Variants in ARL5C observed in about 807,000 individuals in gnomAD.
ARL5C encodes the protein putative ADP-ribosylation factor-like protein 5C.
A neutral mutation model predicts 20.8 loss-of-function variants in ARL5C; 21 were observed. The observed-to-expected ratio is 1.01, with a 90% CI of 0.72 to 1.46. The LOEUF (loss-of-function observed/expected upper bound fraction) is 1.46. Among genes scored for constraint, ARL5C ranks in the 40% most tolerant of loss-of-function variants. The pLI is 0.00. For synonymous variants in ARL5C, 71 were observed against 81.6 expected (o/e 0.87, Z 0.70); for missense variants, 199 against 225.1 (o/e 0.88, Z 0.74).
chr17:39,162,432 C>A (rs371858890), intron 3 of ARL5C, among the ~76,000 whole-genome samples: 20 of 152,230 alleles, frequency 1.3e-4, no homozygotes, highest in African/African-American at 4.3e-4. Flanking sequence ...TCCCGAGTAG[C>A]TGGGATTACA....
In ARL5C at chr17:39,165,107, C is replaced by T. The variant is rs1597669717; in HGVS notation, c.79G>A (p.Glu27Lys). Residue 27 changes from glutamate to lysine, a missense_variant, in exon 2 of 6, where the codon GAA becomes AAA. Physicochemically the swap from Glu to Lys is moderately conservative, Grantham distance 56 (BLOSUM62 1). Coordinates refer to ENST00000269586, the MANE Select transcript of ARL5C (RefSeq NM_001143968.1). ...HTVIIVGLDN[E>K]GKTTILYRFL... is the part of the protein sequence containing the mutation. ...CGGTAGAGAATGGTGGTCTTTCCTTCATTGTCCAGTCCCACGATGATGACC... is the reference window on the plus strand; with the variant it reads ...CGGTAGAGAATGGTGGTCTTTCCTTTATTGTCCAGTCCCACGATGATGACC... 2.6e-6 allele frequency: 4 copies of T among 1,551,728 alleles called. No individual in the cohort carries two copies. The East Asian group carries it at 9.8e-5, about 38-fold the overall frequency.
chr17:39,161,715 T>C (rs554162790), intron 3 of ARL5C, among the ~76,000 whole-genome samples: 26 of 152,202 alleles, frequency 1.7e-4, no homozygotes, highest in Non-Finnish European at 2.8e-4. Flanking sequence ...GGTTTCGCCA[T>C]GTTGGCCAGG....
At chr17:39,156,863 CAA>C (rs1567779338), downstream of ARL5C, 1 of 1,551,366 alleles carries the variant, frequency 6.4e-7, no homozygotes, top group Non-Finnish European at 8.7e-7. Flanking sequence ...TGCAAAACCC[CAA>C]AGTTTCTGGT....
In ARL5C at chr17:39,163,345, C is replaced by CCTTTCTTTCTTTCTTTCTTTTTCTTT. The variant is rs2045444127; in HGVS notation, c.108-488_108-487insAAAGAAAAAGAAAGAAAGAAAGAAAG. The stretch of plus-strand genomic sequence containing the variant: ...GTCTGGGCAGGGGTCCAGGCTTTTG[C>CCTTTCTTTCTTTCTTTCTTTTTCTTT]CTTTCTTTCTTTCTTTCTTTCTTTC... On this transcript the variant is annotated intron_variant, in intron 2 of 5. Coordinates refer to ENST00000269586, the MANE Select transcript of ARL5C (RefSeq NM_001143968.1). 3.7e-5 allele frequency among the ~76,000 whole-genome samples: 5 copies of CCTTTCTTTCTTTCTTTCTTTTTCTTT among 136,740 alleles called. No individual in the cohort carries two copies. In the East Asian group the frequency reaches 7.0e-4, roughly 19 times the overall value. The allele number at this position is 136,740 out of a possible 152,430, so 89.7% of individuals were successfully genotyped here.
intron 5 of ARL5C, among the ~76,000 whole-genome samples, chr17:39,158,129 G>C (rs143052705): frequency 2.1e-5 from 2 of 94,556 alleles, no homozygotes; most frequent in Non-Finnish European, 4.3e-5. Context: ...GGGAGGGAGG[G>C]AGGAAGGAAG....
intron 3 of ARL5C, among the ~76,000 whole-genome samples, chr17:39,162,369 C>T (rs192401462): frequency 6.6e-5 from 10 of 152,178 alleles, no homozygotes; most frequent in South Asian, 2.1e-4. Context: ...GGCGTGATCT[C>T]GGCTCACTGC....
chr17:39,163,534 A>G (rs543088424), intron 2 of ARL5C, among the ~76,000 whole-genome samples: 4 of 151,812 alleles, frequency 2.6e-5, no homozygotes, highest in Non-Finnish European at 5.9e-5. Context: ...CTGGGATTAC[A>G]GGAGCACACC....
chr17:39,157,815 C>A (rs2045413060), intron 5 of ARL5C, among the ~76,000 whole-genome samples: 2 of 149,316 alleles, frequency 1.3e-5, no homozygotes, highest in Non-Finnish European at 3.0e-5. Context: ...AAAAAGTGGC[C>A]GGGCACAGTG....
chr17:39,162,622 G>C, intron 3 of ARL5C, 89 bp downstream of exon 3: 1 of 1,440,608 alleles, frequency 6.9e-7, no homozygotes, highest in Non-Finnish European at 9.3e-7. Context: ...TATTTCACAA[G>C]TTGGGGAACC....
At chr17:39,163,345 C>CCTTTCTTTCTTTCTTTCTTTCTTTCTTT (rs57401429) in intron 2 of ARL5C, among the ~76,000 whole-genome samples, 1,369 of 136,852 alleles carry the variant, frequency 0.01, 32 homozygotes, top group East Asian at 0.018. Flanking sequence ...CAGGCTTTTG[C>CCTTTCTTTCTTTCTTTCTTTCTTTCTTT]CTTTCTTTCT....
chr17:39,162,265 CACA>C (rs996985417), intron 3 of ARL5C, among the ~76,000 whole-genome samples: 6 of 152,124 alleles, frequency 3.9e-5, no homozygotes, highest in Admixed American at 3.9e-4. Context: ...ATTTAATTTT[CACA>C]ACAACTTAGG....
chr17:39,163,345 C>CCTTTCTTTCTTTCTTTCTTT (rs57401429), intron 2 of ARL5C, among the ~76,000 whole-genome samples: 9,770 of 136,744 alleles, frequency 0.071, 513 homozygotes, highest in Middle Eastern at 0.094. Context: ...CAGGCTTTTG[C>CCTTTCTTTCTTTCTTTCTTT]CTTTCTTTCT....
intron 3 of ARL5C, among the ~76,000 whole-genome samples, chr17:39,162,265 C>T (rs937456238): frequency 2.6e-5 from 4 of 152,124 alleles, no homozygotes; most frequent in Non-Finnish European, 5.9e-5. Flanking sequence ...ATTTAATTTT[C>T]ACAACAACTT....
chr17:39,162,793 G>T lies in ARL5C; in HGVS notation c.173C>A (p.Pro58Gln). Residue 58 changes from proline to glutamine, a missense_variant, in exon 3 of 6, where the codon CCG becomes CAG. Transcript: ENST00000269586. ...GTCCCACATGAAGAAGTGGGTCTTCGGCAGAATGATCTCCTCCACGTTGCT... is the reference window on the plus strand; with the variant it reads ...GTCCCACATGAAGAAGTGGGTCTTCTGCAGAATGATCTCCTCCACGTTGCT... ...IGSNVEEIIL[P>Q]KTHFFMWDIV... 6.4e-7 allele frequency: 1 copy of T among 1,551,468 alleles called. No homozygotes were observed. The highest frequency in any genetic ancestry group is 1.2e-5 in the South Asian group (1 of 84,034).
At chr17:39,165,678 T>A in intron 1 of ARL5C, 37 bp downstream of exon 1, 1 of 1,551,478 alleles carries the variant, frequency 6.4e-7, no homozygotes, top group Non-Finnish European at 8.7e-7. Context: ...GAGGGCGAGA[T>A]CAAAGCGCTC....
intron 2 of ARL5C, chr17:39,164,848 C>T: frequency 4.3e-6 from 2 of 463,474 alleles, no homozygotes; most frequent in East Asian, 3.7e-5. Context: ...GGCAGGGCCC[C>T]CGGGAAGATG....
chr17:39,158,124 G>GAA, intron 5 of ARL5C, among the ~76,000 whole-genome samples: 1 of 137,218 alleles, frequency 7.3e-6, no homozygotes, highest in African/African-American at 2.8e-5. Context: ...AGGGAGGGAG[G>GAA]GAGGGAGGAA....
chr17:39,156,759 G>C (rs902321626), downstream of ARL5C: 2 of 1,026,184 alleles, frequency 1.9e-6, no homozygotes, highest in South Asian at 1.6e-5. Flanking sequence ...TGGGAGAATG[G>C]TGTCAATCTC....
intron 2 of ARL5C, 25 bp from the exon 3 acceptor site, chr17:39,162,883 AG>A (rs1478570115): frequency 6.5e-7 from 1 of 1,548,460 alleles, no homozygotes; most frequent in Admixed American, 2.0e-5. Flanking sequence ...GTGGGCACCA[AG>A]AGCTCAGTCC....
Sources: allele counts gnomAD v4.1 joint callset (sites outside exome capture counted in the v4.1 genomes callset), GRCh38; gene constraint gnomAD v4.1.1; transcripts MANE v1.5; gene names NCBI Gene and HGNC (gene_info 2026-07-23, HGNC 2026-07-21).